CRMP1: variants seen among roughly 807,000 people sequenced by gnomAD.
CRMP1 encodes dihydropyrimidinase-related protein 1.
CRMP1 carries 19 observed loss-of-function variants against 68.3 expected under a neutral mutation model. The observed-to-expected ratio is 0.28, with a 90% CI of 0.19 to 0.41. The LOEUF is 0.41. Ranked by LOEUF, CRMP1 falls within the 10% of genes least tolerant of loss-of-function variation. The pLI is 1.00. For missense variants in CRMP1, 791 were observed against 967.4 expected, an observed-to-expected ratio of 0.82 and a Z score of 2.42; for synonymous variants, 439 against 399.6, an observed-to-expected ratio of 1.10 and a Z score of -1.18.
In CRMP1 at chr4:5,827,733, G is replaced by GCACACACACACA. The variant is rs141887967; in HGVS notation, c.1803+744_1803+755dup. ...CATAGACATACACACATGTGCGCGT[G>GCACACACACACA]CACACACACACACACACACACGAAG... is the stretch of plus-strand genomic sequence containing the variant. On this transcript the variant is annotated intron_variant, in intron 12 of 13. Transcript: ENST00000324989. 4.0e-3 allele frequency among the ~76,000 whole-genome samples: 555 copies of GCACACACACACA among 138,328 alleles called. 3 individuals are homozygous for GCACACACACACA. The highest frequency in any genetic ancestry group is 0.015 in the African/African-American group (532 of 34,958). The allele number at this position is 138,328 out of a possible 152,430, so 90.7% of individuals were successfully genotyped here.
intron 2 of CRMP1, among the ~76,000 whole-genome samples, chr4:5,864,838 TC>T (rs35058382): frequency 0.062 from 9,414 of 151,822 alleles, 361 homozygotes; most frequent in South Asian, 0.11. Flanking sequence ...GCCTGGCAAG[TC>T]CCGTGAGTCC....
At chr4:5,875,433 C>G (rs966827304) in intron 1 of CRMP1, among the ~76,000 whole-genome samples, 2 of 149,958 alleles carry the variant, frequency 1.3e-5, no homozygotes, top group Non-Finnish European at 3.0e-5. Context: ...GGATGCTATT[C>G]TTATCCAATC....
intron 9 of CRMP1, among the ~76,000 whole-genome samples, chr4:5,837,866 A>G (rs142476894): frequency 0.011 from 1,681 of 152,166 alleles, 35 homozygotes; most frequent in African/African-American, 0.038. Context: ...CATGCTTCCT[A>G]TGTGCCCGGT....
rs1159848304 is a variant in CRMP1, at chr4:5,842,596, TCTCACACA to T, written c.1032+489_1032+496del. On this transcript the variant is annotated intron_variant, in intron 7 of 13. Coordinates refer to ENST00000324989, the MANE Select transcript of CRMP1 (RefSeq NM_001014809.3). This position sits in a 1 kb window ranked among gnomAD's most constrained non-coding sequence, Gnocchi z 4.5. ...CACATGCACCCACACTCACACACTCTCTCACACACACACACACACACTCACTCACACAC... is the reference window on the plus strand; with the variant it reads ...CACATGCACCCACACTCACACACTCTCACACACACACACTCACTCACACAC... Among the ~76,000 whole-genome samples, 38 of 122,984 alleles carry T rather than the reference TCTCACACA, an allele frequency of 3.1e-4. No individual in the cohort carries two copies. Among genetic ancestry groups the T allele is most frequent in the African/African-American group, 1.0e-3 (27 of 26,560 alleles). 80.7% of individuals were successfully genotyped at this position (122,984 alleles called of 152,430 possible). A position where few individuals can be genotyped will look rare whatever the true frequency, so the allele number is the denominator to read the frequency against.
Position 5,890,078 on chromosome 4 carries a change from A to C in CRMP1, c.381+2511T>G. Reference sequence around the variant, plus strand: ...ACGCATTCATGCATCCCTGGCTCTCAGCGGGGCCTAAAATCCCTGTCAATG... The same window carrying C: ...ACGCATTCATGCATCCCTGGCTCTCCGCGGGGCCTAAAATCCCTGTCAATG... On this transcript the variant is annotated intron_variant, in intron 1 of 13. Coordinates refer to ENST00000324989, the MANE Select transcript of CRMP1 (RefSeq NM_001014809.3). The surrounding 1 kb of genome is among the most constrained non-coding windows in gnomAD (Gnocchi z 5.5). 1 of 368,092 alleles carries C rather than the reference A, an allele frequency of 2.7e-6. No homozygotes were observed. The highest frequency in any genetic ancestry group is 7.3e-5 in the South Asian group (1 of 13,640). The allele number at this position is 368,092 out of a possible 1,614,324, so 22.8% of individuals were successfully genotyped here.
At chr4:5,884,297 C>G (rs1217272496) in intron 1 of CRMP1, among the ~76,000 whole-genome samples, 5 of 152,168 alleles carry the variant, frequency 3.3e-5, no homozygotes, top group Non-Finnish European at 7.3e-5. Context: ...TTTTTGCATA[C>G]TTGCAAATTA....
At position 5,836,829 on chromosome 4, in the gene CRMP1, G is replaced by T; in HGVS notation, c.1388C>A (p.Thr463Asn). 6.2e-7 allele frequency: 1 copy of T among 1,614,180 alleles called. No individual in the cohort carries two copies. Among genetic ancestry groups the T allele is most frequent in the Non-Finnish European group, 8.5e-7 (1 of 1,180,038 alleles). The change falls in exon 10 of 14, where the codon ACC becomes AAC. Residue 463 changes from threonine to asparagine, a missense_variant. Thr to Asn is a moderately conservative substitution (Grantham distance 65, BLOSUM62 0). Around this residue, in one of 3 missense-constraint regions of CRMP1, gnomAD observed 594 missense variants for 763.6 expected, o/e 0.78. Transcript: ENST00000324989. ...AQKAVGKDNF[T>N]LIPEGVNGIE... ...CCCGTTGACACCCTCGGGGATCAGG[G>T]TAAAGTTGTCCTTGCCCACCGCCTT... is the stretch of plus-strand genomic sequence containing the variant.
In CRMP1 at chr4:5,843,380, C is replaced by T. The variant is rs1370180785; in HGVS notation, c.964-219G>A. Among the ~76,000 whole-genome samples, 1 of 152,130 alleles carries T rather than the reference C, an allele frequency of 6.6e-6. No individual in the cohort carries two copies. The highest frequency in any genetic ancestry group is 2.4e-5 in the African/African-American group (1 of 41,414). On this transcript the variant is annotated intron_variant, in intron 6 of 13. Coordinates refer to ENST00000324989, the MANE Select transcript of CRMP1 (RefSeq NM_001014809.3). This position sits in a 1 kb window ranked among gnomAD's most constrained non-coding sequence, Gnocchi z 4.1. ...TTGTAGCCCTGCATGGCTCCATCTGCACCTGCTTTATATTGAATCTCCCGG... is the reference window on the plus strand; with the variant it reads ...TTGTAGCCCTGCATGGCTCCATCTGTACCTGCTTTATATTGAATCTCCCGG...
chr4:5,888,568 C>T lies in CRMP1; in HGVS notation c.381+4021G>A, dbSNP rs1715773871. 3.6e-6 allele frequency: 4 copies of T among 1,111,804 alleles called. No homozygotes were observed. The highest frequency in any genetic ancestry group is 5.1e-5 in the Admixed American group (1 of 19,764). The allele number at this position is 1,111,804 out of a possible 1,614,324, so 68.9% of individuals were successfully genotyped here. A position where few individuals can be genotyped will look rare whatever the true frequency, so the allele number is the denominator to read the frequency against. ...TCCTCCCGGCGGCGCGGAGCGAAGCCGGATTCGCCCCTCTCGGCTCGAACC... is the reference window on the plus strand; with the variant it reads ...TCCTCCCGGCGGCGCGGAGCGAAGCTGGATTCGCCCCTCTCGGCTCGAACC... On this transcript the variant is annotated intron_variant, in intron 1 of 13. Coordinates refer to ENST00000324989, the MANE Select transcript of CRMP1 (RefSeq NM_001014809.3). This position sits in a 1 kb window ranked among gnomAD's most constrained non-coding sequence, Gnocchi z 6.4.
chr4:5,845,431 C>G (rs1410544324), intron 6 of CRMP1, among the ~76,000 whole-genome samples: 1 of 152,260 alleles, frequency 6.6e-6, no homozygotes, highest in Non-Finnish European at 1.5e-5. Flanking sequence ...CTCTGGCCAG[C>G]AGCCAGCAAA....
chr4:5,835,516 A>G (rs1040936995), intron 11 of CRMP1, among the ~76,000 whole-genome samples: 4 of 152,236 alleles, frequency 2.6e-5, no homozygotes, highest in African/African-American at 9.6e-5. Context: ...CACAAAACCG[A>G]GTGGGAGGTT....
chr4:5,835,907 G>A lies in CRMP1; in HGVS notation c.1623+8C>T. On this transcript the variant is annotated splice_region_variant and intron_variant, in intron 11 of 13. Transcript: ENST00000324989. ...TTATCTCAGCAGCACAAATAGGCCA[G>A]GACTTACCGACTTGTGACTTTTGGC... 1 of 1,524,026 alleles carries A rather than the reference G, an allele frequency of 6.6e-7. No homozygotes were observed. The allele number at this position is 1,524,026 out of a possible 1,614,324, so 94.4% of individuals were successfully genotyped here.
rs1296121037 is a variant in CRMP1, at chr4:5,834,653, T to A, written c.1623+1262A>T. On this transcript the variant is annotated intron_variant, in intron 11 of 13. Transcript: ENST00000324989. The surrounding 1 kb of genome is among the most constrained non-coding windows in gnomAD (Gnocchi z 4.3). ...CAAGACCCTCTCAGACGCTCTCCCA[T>A]TGCCTCTCCTATGTGCACAGACCCC... 6.6e-6 allele frequency among the ~76,000 whole-genome samples: 1 copy of A among 152,192 alleles called. No homozygotes were observed. The highest frequency in any genetic ancestry group is 2.4e-5 in the African/African-American group (1 of 41,454).
At chr4:5,880,623 T>C (rs1452045180) in intron 1 of CRMP1, among the ~76,000 whole-genome samples, 2 of 152,210 alleles carry the variant, frequency 1.3e-5, no homozygotes, top group African/African-American at 2.4e-5. Context: ...TCCCATTCCA[T>C]GTGAAATGCA....
At chr4:5,868,263 A>ATATATATC (rs1714147257) in intron 1 of CRMP1, among the ~76,000 whole-genome samples, 6 of 8,088 alleles carry the variant, frequency 7.4e-4, no homozygotes, top group Admixed American at 4.8e-3. Flanking sequence ...CTATATATCT[A>ATATATATC]TATATATATA....
chr4:5,848,390 G>T (rs560453811), intron 6 of CRMP1, among the ~76,000 whole-genome samples: 38 of 152,168 alleles, frequency 2.5e-4, no homozygotes, highest in African/African-American at 9.2e-4. Flanking sequence ...ATGGGGTTTT[G>T]CCATGTTGGC....
chr4:5,829,144 A>G (rs990701058), intron 11 of CRMP1, among the ~76,000 whole-genome samples: 1 of 152,218 alleles, frequency 6.6e-6, no homozygotes, highest in Non-Finnish European at 1.5e-5. Context: ...AATTGACACG[A>G]TATCGGCACT....
chr4:5,869,494 A>G (rs1180170497), intron 1 of CRMP1, among the ~76,000 whole-genome samples: 1 of 151,688 alleles, frequency 6.6e-6, no homozygotes, highest in East Asian at 1.9e-4. Flanking sequence ...CATCCTGGCT[A>G]ACACGGTGAA....
chr4:5,835,791 G>A (rs947126766), intron 11 of CRMP1, 124 bp downstream of exon 11: 6 of 1,144,198 alleles, frequency 5.2e-6, no homozygotes, highest in Non-Finnish European at 5.8e-6. Flanking sequence ...GGGAATGACT[G>A]AGTCAGGCTA....
Sources: allele counts gnomAD v4.1 joint callset (sites outside exome capture counted in the v4.1 genomes callset), GRCh38; gene constraint gnomAD v4.1.1; regional missense constraint gnomAD v4.1.1; non-coding constraint Gnocchi (gnomAD v3.1); transcripts MANE v1.5; gene names NCBI Gene and HGNC (gene_info 2026-07-23, HGNC 2026-07-21).